Variants in MEIKIN observed in about 807,000 individuals in gnomAD.
The protein encoded by MEIKIN is meiotic kinetochore factor, also known as meiosis-specific kinetochore protein.
intron 8 of MEIKIN, among the ~76,000 whole-genome samples, chr5:131,902,664 C>T (rs1436300000): frequency 6.6e-6 from 1 of 152,072 alleles, no homozygotes; most frequent in Non-Finnish European, 1.5e-5. Context: ...CAGACAGCAA[C>T]TTCAAAGACT....
At position 131,941,103 on chromosome 5, in the gene MEIKIN, C is replaced by A. The variant is rs375112059; in HGVS notation, c.349+1532G>T. 4.4e-5 allele frequency among the ~76,000 whole-genome samples: 5 copies of A among 114,052 alleles called. No homozygotes were observed. The East Asian group carries it at 1.2e-3, about 28-fold the overall frequency. 74.8% of individuals were successfully genotyped at this position (114,052 alleles called of 152,430 possible). On this transcript the variant is annotated intron_variant, in intron 4 of 12. Coordinates refer to ENST00000442687, the MANE Select transcript of MEIKIN (RefSeq NM_001303622.2). ...GGGACCAGATATTTCAAATGTAGTTCTTAATCCATCGCCTTGACAATTCCT... is the reference window on the plus strand; with the variant it reads ...GGGACCAGATATTTCAAATGTAGTTATTAATCCATCGCCTTGACAATTCCT...
intron 9 of MEIKIN, among the ~76,000 whole-genome samples, chr5:131,878,339 G>A (rs1182590035): frequency 2.0e-5 from 3 of 152,108 alleles, no homozygotes; most frequent in South Asian, 2.1e-4. Context: ...AGGCCGAGGC[G>A]GGCGGATCAC....
At position 131,894,694 on chromosome 5, in the gene MEIKIN, CCT is replaced by C. The variant is rs1457337941; in HGVS notation, c.704-15648_704-15647del. Reference sequence around the variant, plus strand: ...TGGGAGTTCACTCATGATTTGGCTCCCTGTTTGTCTGTTATTGGTGTATAGGA... The same window carrying C: ...TGGGAGTTCACTCATGATTTGGCTCCGTTTGTCTGTTATTGGTGTATAGGA... On this transcript the variant is annotated intron_variant, in intron 8 of 12. Coordinates refer to ENST00000442687, the MANE Select transcript of MEIKIN (RefSeq NM_001303622.2). Among the ~76,000 whole-genome samples, 5 of 151,916 alleles carry C rather than the reference CCT, an allele frequency of 3.3e-5. No homozygotes were observed. In the East Asian group the frequency reaches 7.7e-4, roughly 24 times the overall value.
intron 11 of MEIKIN, among the ~76,000 whole-genome samples, chr5:131,832,881 T>C (rs897641838): frequency 6.6e-6 from 1 of 152,214 alleles, no homozygotes; most frequent in Non-Finnish European, 1.5e-5. Context: ...AGCATGGGGA[T>C]CCTGGGCCTG....
In MEIKIN at chr5:131,893,158, C is replaced by T. The variant is rs186019271; in HGVS notation, c.704-14110G>A. 4.9e-4 allele frequency among the ~76,000 whole-genome samples: 73 copies of T among 149,074 alleles called. 1 individual carries two copies. Among genetic ancestry groups the T allele is most frequent in the African/African-American group, 1.6e-3 (67 of 41,440 alleles). ...TTTAAGTCTGCAGAGGTTACTGCTGCGTTTTGTTTGTCTGTGCCCTGTCCC... is the reference window on the plus strand; with the variant it reads ...TTTAAGTCTGCAGAGGTTACTGCTGTGTTTTGTTTGTCTGTGCCCTGTCCC... On this transcript the variant is annotated intron_variant, in intron 8 of 12. Coordinates refer to ENST00000442687, the MANE Select transcript of MEIKIN (RefSeq NM_001303622.2).
At chr5:131,938,153 G>A (rs548385733) in intron 4 of MEIKIN, among the ~76,000 whole-genome samples, 3 of 146,036 alleles carry the variant, frequency 2.1e-5, no homozygotes, top group South Asian at 2.2e-4. Context: ...CATAGAACTC[G>A]CCCCTCACCC....
rs144680917 is a variant in MEIKIN, at chr5:131,851,489, T to C, written c.856-106A>G. On this transcript the variant is annotated intron_variant, in intron 10 of 12. Coordinates refer to ENST00000442687, the MANE Select transcript of MEIKIN (RefSeq NM_001303622.2). Reference sequence around the variant, plus strand: ...AAAATACCATCTCATTGGAAGCATTTTCCTGTAAACTTGACACAGGAACAA... The same window carrying C: ...AAAATACCATCTCATTGGAAGCATTCTCCTGTAAACTTGACACAGGAACAA... 881 of 391,588 alleles carry C rather than the reference T, an allele frequency of 2.2e-3. 9 individuals are homozygous for C. The highest frequency in any genetic ancestry group is 0.017 in the African/African-American group (809 of 48,548). 24.3% of individuals were successfully genotyped at this position (391,588 alleles called of 1,614,324 possible).
intron 5 of MEIKIN, among the ~76,000 whole-genome samples, chr5:131,927,176 G>GTGCTA (rs1025436320): frequency 1.1e-4 from 16 of 151,930 alleles, no homozygotes; most frequent in African/African-American, 3.9e-4. Context: ...TTAATATATT[G>GTGCTA]TGCTTTCATC....
intron 10 of MEIKIN, among the ~76,000 whole-genome samples, chr5:131,853,483 C>G (rs138321552): frequency 2.7e-4 from 41 of 152,078 alleles, no homozygotes; most frequent in African/African-American, 9.4e-4. Context: ...ATCAAAAGAA[C>G]AGGTGAGAAA....
intron 11 of MEIKIN, among the ~76,000 whole-genome samples, chr5:131,835,157 T>C (rs9716059): frequency 5.3e-5 from 8 of 151,484 alleles, no homozygotes; most frequent in African/African-American, 1.9e-4. Flanking sequence ...TTTGCTAGAG[T>C]TTTGTGTTCC....
chr5:131,930,432 T>A (rs746773316), intron 5 of MEIKIN, among the ~76,000 whole-genome samples: 1 of 152,208 alleles, frequency 6.6e-6, no homozygotes, highest in Non-Finnish European at 1.5e-5. Context: ...TCCCATTCTG[T>A]AGGTTGTCTG....
intron 9 of MEIKIN, among the ~76,000 whole-genome samples, chr5:131,863,207 T>C (rs541556213): frequency 5.2e-4 from 79 of 152,330 alleles, no homozygotes; most frequent in Admixed American, 1.4e-3. Flanking sequence ...TGGCCTAACA[T>C]AGGATCTATC....
At chr5:131,867,845 T>C (rs1340394114) in intron 9 of MEIKIN, among the ~76,000 whole-genome samples, 1 of 152,250 alleles carries the variant, frequency 6.6e-6, no homozygotes, top group Non-Finnish European at 1.5e-5. Context: ...TTCAGGTGCA[T>C]ACTTTGTGTG....
intron 11 of MEIKIN, among the ~76,000 whole-genome samples, chr5:131,838,730 G>A (rs900704775): frequency 4.0e-5 from 6 of 151,740 alleles, no homozygotes; most frequent in African/African-American, 1.2e-4. Flanking sequence ...GTGTTTATTT[G>A]GCTCCTATCT....
chr5:131,917,727 C>G (rs970439417), intron 6 of MEIKIN, among the ~76,000 whole-genome samples: 6 of 152,044 alleles, frequency 3.9e-5, no homozygotes, highest in African/African-American at 1.4e-4. Flanking sequence ...TATAAAGAAC[C>G]ATGGGTATAG....
At chr5:131,869,241 T>C (rs1374007012) in intron 9 of MEIKIN, among the ~76,000 whole-genome samples, 2 of 152,244 alleles carry the variant, frequency 1.3e-5, no homozygotes, top group Non-Finnish European at 2.9e-5. Flanking sequence ...TACCAACTTT[T>C]CTCCATTATA....
chr5:131,871,887 G>A (rs1273528857), intron 9 of MEIKIN, among the ~76,000 whole-genome samples: 7 of 152,174 alleles, frequency 4.6e-5, no homozygotes, highest in African/African-American at 7.2e-5. Flanking sequence ...CAGGCAAACA[G>A]GGTCTGGAGT....
intron 12 of MEIKIN, among the ~76,000 whole-genome samples, chr5:131,818,533 G>A (rs1247067268): frequency 6.6e-6 from 1 of 152,002 alleles, no homozygotes; most frequent in East Asian, 1.9e-4. Context: ...TGATCCTCCT[G>A]CCTGAGCTAT....
intron 8 of MEIKIN, among the ~76,000 whole-genome samples, chr5:131,897,902 G>A (rs373299598): frequency 1.6e-4 from 24 of 152,192 alleles, no homozygotes; most frequent in East Asian, 1.5e-3. Flanking sequence ...GCCTACTTCC[G>A]TCAACTCATC....
Sources: allele counts gnomAD v4.1 joint callset (sites outside exome capture counted in the v4.1 genomes callset), GRCh38; gene constraint gnomAD v4.1.1; transcripts MANE v1.5; gene names NCBI Gene and HGNC (gene_info 2026-07-23, HGNC 2026-07-21).